DUSP16: variants seen among roughly 807,000 people sequenced by gnomAD.
The protein encoded by DUSP16 is dual specificity phosphatase 16.
In DUSP16, 21 loss-of-function variants were observed where a neutral mutation model predicts 58.3. The observed-to-expected ratio is 0.36, with a 90% CI of 0.26 to 0.52. The LOEUF (loss-of-function observed/expected upper bound fraction) is 0.52, where lower values mean the gene tolerates loss of function less well. Ranked by LOEUF, DUSP16 falls within the 20% of genes least tolerant of loss-of-function variation. The probability of loss-of-function intolerance (pLI) is 0.94; values close to 1 mark genes in which losing one functional copy is unlikely to be tolerated. For synonymous variants in DUSP16, 320 were observed against 323.8 expected (o/e 0.99, Z 0.12); for missense variants, 726 against 819.0 (o/e 0.89, Z 1.39).
intron 3 of DUSP16, among the ~76,000 whole-genome samples, chr12:12,509,838 A>G (rs77051095): frequency 0.064 from 9,705 of 152,286 alleles, 440 homozygotes; most frequent in East Asian, 0.18. Context: ...ATTCAAAGCC[A>G]AAAGCTAGTT....
At chr12:12,479,037 T>C (rs1943512887) in intron 6 of DUSP16, among the ~76,000 whole-genome samples, 1 of 152,086 alleles carries the variant, frequency 6.6e-6, no homozygotes, top group Admixed American at 6.5e-5. Context: ...TACTAAATGA[T>C]GGTGCTGGAT....
intron 4 of DUSP16, among the ~76,000 whole-genome samples, chr12:12,487,391 T>A (rs1943701109): frequency 6.6e-6 from 1 of 152,140 alleles, no homozygotes; most frequent in Non-Finnish European, 1.5e-5. Flanking sequence ...CAACAAACGC[T>A]ATTTAAAATA....
At chr12:12,550,127 G>A (rs565639923) in intron 1 of DUSP16, among the ~76,000 whole-genome samples, 5 of 152,228 alleles carry the variant, frequency 3.3e-5, no homozygotes, top group African/African-American at 1.2e-4. Flanking sequence ...ATAAAAATTA[G>A]CTAGGCATGA....
intron 1 of DUSP16, among the ~76,000 whole-genome samples, chr12:12,555,239 G>A (rs1363682204): frequency 6.6e-6 from 1 of 152,214 alleles, no homozygotes; most frequent in Non-Finnish European, 1.5e-5. Flanking sequence ...CAAAGCTGGA[G>A]GTGAGGTCAG....
rs773437147 is a variant in DUSP16, at chr12:12,519,900, T to A, written c.329A>T (p.Lys110Ile). The A allele has an allele frequency of 1.2e-5, 20 of 1,614,106 alleles. 2 individuals are homozygous for A. The South Asian group carries it at 2.2e-4, about 18-fold the overall frequency. Residue 110 changes from lysine (K) to isoleucine (I), a missense_variant, in exon 3 of 7, where the codon AAA becomes ATA. Transcript: ENST00000298573. ...AACAGAGTTGAAGCTCTTCTCCAGT[T>A]TACCCAGAAGTACAGTGAGAAAACA... ...SDCFLTVLLG[K>I]LEKSFNSVHL...
intron 3 of DUSP16, among the ~76,000 whole-genome samples, chr12:12,504,773 A>C (rs147673482): frequency 6.7e-6 from 1 of 150,214 alleles, no homozygotes; most frequent in African/African-American, 2.4e-5. Flanking sequence ...GCTACTTGAG[A>C]GGCTGAGGTG....
In DUSP16 at chr12:12,476,808, A is replaced by G. The variant is rs768518627; in HGVS notation, c.*25T>C. On this transcript the variant is annotated 3_prime_UTR_variant, in exon 7 of 7. Transcript: ENST00000298573. Reference sequence around the variant, plus strand: ...TGTGAACAAGAAAAAAAAATTGTCTATAGAAGTCACAAGTGTCTTTCTTCT... The same window carrying G: ...TGTGAACAAGAAAAAAAAATTGTCTGTAGAAGTCACAAGTGTCTTTCTTCT... 27 of 1,542,674 alleles carry G rather than the reference A, an allele frequency of 1.8e-5. No individual in the cohort carries two copies. Among genetic ancestry groups the G allele is most frequent in the Admixed American group, 4.1e-5 (2 of 48,712 alleles).
intron 3 of DUSP16, among the ~76,000 whole-genome samples, chr12:12,508,741 C>T (rs1944032760): frequency 6.6e-6 from 1 of 152,182 alleles, no homozygotes; most frequent in Non-Finnish European, 1.5e-5. Context: ...ATTAAACAAC[C>T]CTATCACGTG....
rs1943696422 is a variant in DUSP16, at chr12:12,487,106, G to A, written c.613C>T (p.His205Tyr). The A allele has an allele frequency of 6.2e-7, 1 of 1,614,076 alleles. No homozygotes were observed. The stretch of plus-strand genomic sequence containing the variant: ...TCATTCACAGGCACACGCAGGAAAT[G>A]AGACTCGGGGATAAAGTCAGGCTTT... ...CPKPDFIPES[H>Y]FLRVPVNDSF... is the part of the protein sequence containing the mutation. The change falls in exon 5 of 7, where the codon CAT becomes TAT. Residue 205 changes from histidine to tyrosine, a missense_variant. Physicochemically the swap from His to Tyr is moderately conservative, Grantham distance 83 (BLOSUM62 2). Coordinates refer to ENST00000298573, the MANE Select transcript of DUSP16 (RefSeq NM_030640.3).
At chr12:12,522,979 C>T (rs959157236) in intron 1 of DUSP16, among the ~76,000 whole-genome samples, 4 of 152,150 alleles carry the variant, frequency 2.6e-5, no homozygotes, top group African/African-American at 9.7e-5. Flanking sequence ...GTTCCAAAAA[C>T]AGTTTAAGAT....
intron 4 of DUSP16, among the ~76,000 whole-genome samples, chr12:12,499,388 A>G (rs7310652): frequency 0.45 from 68,971 of 152,058 alleles, 16,221 homozygotes; most frequent in East Asian, 0.7. Flanking sequence ...GTACAAGCAT[A>G]AGCTATTAAA....
intron 1 of DUSP16, among the ~76,000 whole-genome samples, chr12:12,534,193 G>A (rs1450897411): frequency 6.6e-6 from 1 of 152,210 alleles, no homozygotes; most frequent in Non-Finnish European, 1.5e-5. Flanking sequence ...CGGCCAGGTA[G>A]CAGAGAAAGA....
chr12:12,496,835 ACT>A (rs1943834303), intron 4 of DUSP16, among the ~76,000 whole-genome samples: 1 of 152,210 alleles, frequency 6.6e-6, no homozygotes, highest in Non-Finnish European at 1.5e-5. Context: ...GAAAGAACAC[ACT>A]CTGAGAAACA....
At chr12:12,525,699 C>T (rs1944295986) in intron 1 of DUSP16, among the ~76,000 whole-genome samples, 1 of 150,656 alleles carries the variant, frequency 6.6e-6, no homozygotes, top group African/African-American at 2.4e-5. Context: ...ACAGTGAGAC[C>T]CTATCTCTAC....
chr12:12,477,467 G>A lies in DUSP16; in HGVS notation c.1364C>T (p.Thr455Ile). ...FSPVQELSEQ[T>I]PETSPDKEEA... is the part of the protein sequence containing the mutation. ...CTCCTTATCAGGACTGGTTTCGGGA[G>A]TCTGCTCCGATAGTTCCTGAACAGG... The change falls in exon 7 of 7, where the codon ACT (threonine) becomes ATT (isoleucine). Residue 455 changes from threonine to isoleucine, a missense_variant. Thr to Ile is a moderately conservative substitution (Grantham distance 89). Coordinates refer to ENST00000298573, the MANE Select transcript of DUSP16 (RefSeq NM_030640.3). The surrounding 1 kb of genome is among the most constrained non-coding windows in gnomAD (Gnocchi z 4.1). The A allele has an allele frequency of 6.3e-7, 1 of 1,598,728 alleles. No homozygotes were observed. Among genetic ancestry groups the A allele is most frequent in the African/African-American group, 1.3e-5 (1 of 74,606 alleles).
chr12:12,518,947 T>G (rs993770646), intron 3 of DUSP16, among the ~76,000 whole-genome samples: 1 of 152,228 alleles, frequency 6.6e-6, no homozygotes, highest in Admixed American at 6.5e-5. Flanking sequence ...TTAAAATTAT[T>G]AACACACCAA....
intron 4 of DUSP16, among the ~76,000 whole-genome samples, chr12:12,496,525 C>T (rs1173101193): frequency 6.6e-6 from 1 of 152,232 alleles, no homozygotes; most frequent in African/African-American, 2.4e-5. Flanking sequence ...GAGCAGGCAG[C>T]AGAGCTCCTT....
intron 1 of DUSP16, among the ~76,000 whole-genome samples, chr12:12,544,373 TG>T (rs1364337507): frequency 3.3e-5 from 5 of 152,224 alleles, no homozygotes; most frequent in Non-Finnish European, 7.3e-5. Context: ...GATGGACATG[TG>T]GGTTGTTTCC....
At chr12:12,505,099 T>C (rs566975452) in intron 3 of DUSP16, among the ~76,000 whole-genome samples, 1 of 152,360 alleles carries the variant, frequency 6.6e-6, no homozygotes, top group East Asian at 1.9e-4. Context: ...AGCTGCCCTA[T>C]GAGATAGGTG....
Sources: allele counts gnomAD v4.1 joint callset (sites outside exome capture counted in the v4.1 genomes callset), GRCh38; gene constraint gnomAD v4.1.1; non-coding constraint Gnocchi (gnomAD v3.1); transcripts MANE v1.5; gene names NCBI Gene and HGNC (gene_info 2026-07-23, HGNC 2026-07-21).